TSC22D1: variants seen among roughly 807,000 people sequenced by gnomAD.
TSC22D1 encodes the protein TSC22 domain family member 1, also known as TSC22 domain family protein 1.
A neutral mutation model predicts 74.2 loss-of-function variants in TSC22D1; 9 were observed. That is an observed-to-expected ratio of 0.12 (90% CI 0.07 to 0.21). The LOEUF is 0.21. TSC22D1 is among the 10% of genes least tolerant of loss of function. The probability of loss-of-function intolerance (pLI) is 1.00; values close to 1 mark genes in which losing one functional copy is unlikely to be tolerated. For missense variants in TSC22D1, 1,427 were observed against 1,304.7 expected, an observed-to-expected ratio of 1.09 and a Z score of -1.44; for synonymous variants, 586 against 492.5, an observed-to-expected ratio of 1.19 and a Z score of -2.51.
At chr13:44,495,178 G>C (rs1185409938) in intron 1 of TSC22D1, among the ~76,000 whole-genome samples, 1 of 150,530 alleles carries the variant, frequency 6.6e-6, no homozygotes, top group Non-Finnish European at 1.5e-5. Context: ...GACAGAAAAG[G>C]AAAGAATTAT....
intron 1 of TSC22D1, among the ~76,000 whole-genome samples, chr13:44,527,068 G>A (rs746963374): frequency 2.0e-5 from 3 of 151,894 alleles, no homozygotes; most frequent in Non-Finnish European, 2.9e-5. Context: ...GAAAAAACTA[G>A]CAACCTACAA....
chr13:44,539,861 C>T (rs1166269042), intron 1 of TSC22D1: 10 of 1,289,556 alleles, frequency 7.8e-6, no homozygotes, highest in Non-Finnish European at 1.0e-5. Flanking sequence ...AAAAGCTCTC[C>T]GTGGTCTTGG....
In TSC22D1 at chr13:44,574,978, C is replaced by G. The variant is rs767057933; in HGVS notation, c.1097G>C (p.Gly366Ala). 6 of 1,614,098 alleles carry G rather than the reference C, an allele frequency of 3.7e-6. No homozygotes were observed. The highest frequency in any genetic ancestry group is 1.1e-5 in the South Asian group (1 of 91,082). Residue 366 changes from glycine to alanine, a missense_variant, in exon 1 of 3, where the codon GGC becomes GCC. By Grantham distance (60) the Gly-to-Ala change is moderately conservative. Transcript: ENST00000458659. ...TSGVNVNILS[G>A]MGNGTISSSA... ...GGAAGAAATAGTACCATTGCCCATG[C>G]CACTCAAGATATTCACATTAACACC...
intron 1 of TSC22D1, among the ~76,000 whole-genome samples, chr13:44,525,795 C>CAAAAAAAAAAAAAAAAA (rs59399056): frequency 1.1e-5 from 1 of 88,552 alleles, no homozygotes; most frequent in Non-Finnish European, 2.6e-5. Context: ...TAGCTTTTAA[C>CAAAAAAAAAAAAAAAAA]AAAAAAAAAA....
intron 1 of TSC22D1, among the ~76,000 whole-genome samples, chr13:44,480,889 G>T (rs946089753): frequency 1.3e-5 from 2 of 152,130 alleles, no homozygotes; most frequent in African/African-American, 4.8e-5. Context: ...GAGATTATGG[G>T]GGGCTGCTGC....
At position 44,476,199 on chromosome 13, in the gene TSC22D1, T is replaced by C. The variant is rs1353682812; in HGVS notation, c.2913-40104A>G. Among the ~76,000 whole-genome samples the C allele has an allele frequency of 5.9e-5, 9 of 152,218 alleles. No homozygotes were observed. The South Asian group carries it at 1.0e-3, about 17-fold the overall frequency. ...TAGCTGAGATGTGATTATTGACATATACATAAATTAAGTATTACTCCCAGT... is the reference window on the plus strand; with the variant it reads ...TAGCTGAGATGTGATTATTGACATACACATAAATTAAGTATTACTCCCAGT... On this transcript the variant is annotated intron_variant, in intron 1 of 2. Transcript: ENST00000458659.
chr13:44,446,829 A>G (rs10161572), intron 1 of TSC22D1, among the ~76,000 whole-genome samples: 68 of 131,402 alleles, frequency 5.2e-4, no homozygotes, highest in Non-Finnish European at 9.1e-4. Context: ...AGGAGGAAGA[A>G]GAGGAGGAGG....
intron 1 of TSC22D1, among the ~76,000 whole-genome samples, chr13:44,489,144 G>C (rs958844480): frequency 6.6e-6 from 1 of 150,924 alleles, no homozygotes; most frequent in African/African-American, 2.4e-5. Context: ...AAATATTGGT[G>C]CTGAGTCAAT....
At chr13:44,509,146 C>T (rs1400306813) in intron 1 of TSC22D1, among the ~76,000 whole-genome samples, 2 of 151,972 alleles carry the variant, frequency 1.3e-5, no homozygotes, top group Non-Finnish European at 2.9e-5. Context: ...CTCAGACAGG[C>T]CAATAAAATT....
intron 1 of TSC22D1, among the ~76,000 whole-genome samples, chr13:44,443,813 T>TA (rs1555263555): frequency 6.6e-6 from 1 of 152,158 alleles, no homozygotes; most frequent in Non-Finnish European, 1.5e-5. Context: ...TACTGCTGAG[T>TA]ACACTATGAT....
chr13:44,479,176 C>G (rs1024972881), intron 1 of TSC22D1, among the ~76,000 whole-genome samples: 66 of 152,268 alleles, frequency 4.3e-4, no homozygotes, highest in African/African-American at 1.5e-3. Flanking sequence ...ATCAGCAACC[C>G]TAACCTTTAG....
At chr13:44,442,460 G>T (rs957516529) in intron 1 of TSC22D1, among the ~76,000 whole-genome samples, 1 of 152,146 alleles carries the variant, frequency 6.6e-6, no homozygotes, top group Non-Finnish European at 1.5e-5. Flanking sequence ...TGTGAGAAAT[G>T]TAAGAAAACC....
intron 1 of TSC22D1, among the ~76,000 whole-genome samples, chr13:44,571,220 C>T (rs1037808240): frequency 1.3e-4 from 20 of 152,192 alleles, no homozygotes; most frequent in Non-Finnish European, 2.6e-4. Flanking sequence ...TGTATTAGAG[C>T]TATATTTCCT....
chr13:44,496,906 T>C (rs1306971682), intron 1 of TSC22D1, among the ~76,000 whole-genome samples: 4 of 151,876 alleles, frequency 2.6e-5, no homozygotes, highest in African/African-American at 4.8e-5. Context: ...ATCAAAAATA[T>C]GGAAAATAAC....
chr13:44,537,051 GT>G, intron 1 of TSC22D1: 1 of 963,360 alleles, frequency 1.0e-6, no homozygotes, highest in Non-Finnish European at 1.2e-6. Flanking sequence ...TACTGTTGCA[GT>G]TTTCACTTTC....
At chr13:44,449,188 CAG>C (rs1052468013) in intron 1 of TSC22D1, among the ~76,000 whole-genome samples, 3 of 152,120 alleles carry the variant, frequency 2.0e-5, no homozygotes, top group Admixed American at 2.0e-4. Flanking sequence ...GGCAGGCTGA[CAG>C]GGGCACTCAG....
At position 44,576,176 on chromosome 13, in the gene TSC22D1, C is replaced by T. The variant is rs1884231755; in HGVS notation, c.-102G>A. 7.1e-7 allele frequency: 1 copy of T among 1,404,718 alleles called. No individual in the cohort carries two copies. Among genetic ancestry groups the T allele is most frequent in the African/African-American group, 1.4e-5 (1 of 69,082 alleles). The allele number at this position is 1,404,718 out of a possible 1,614,324, so 87.0% of individuals were successfully genotyped here. On this transcript the variant is annotated 5_prime_UTR_variant, in exon 1 of 3. Coordinates refer to ENST00000458659, the MANE Select transcript of TSC22D1 (RefSeq NM_183422.4). ...GAGAGGAAAACGGGACCTGACGCTCCGCCTGGCGCGATTCCTCCTTCTCCT... is the reference window on the plus strand; with the variant it reads ...GAGAGGAAAACGGGACCTGACGCTCTGCCTGGCGCGATTCCTCCTTCTCCT...
At chr13:44,571,380 T>C (rs920348467) in intron 1 of TSC22D1, among the ~76,000 whole-genome samples, 3 of 152,188 alleles carry the variant, frequency 2.0e-5, no homozygotes, top group African/African-American at 7.2e-5. Flanking sequence ...TAGTTGAAAG[T>C]AGCATCATCT....
intron 1 of TSC22D1, among the ~76,000 whole-genome samples, chr13:44,492,724 G>A (rs867751033): frequency 1.3e-5 from 2 of 152,020 alleles, no homozygotes; most frequent in African/African-American, 2.4e-5. Context: ...ATACAATATC[G>A]TTTCAAAGTT....
Sources: allele counts gnomAD v4.1 joint callset (sites outside exome capture counted in the v4.1 genomes callset), GRCh38; gene constraint gnomAD v4.1.1; transcripts MANE v1.5; gene names NCBI Gene and HGNC (gene_info 2026-07-23, HGNC 2026-07-21).